Variants in ANAPC4 observed in about 807,000 individuals in gnomAD.
The protein encoded by ANAPC4 is anaphase promoting complex subunit 4.
In ANAPC4, 63 loss-of-function variants were observed where a neutral mutation model predicts 119.8. The ratio of observed to expected loss-of-function variants is 0.53; its 90% confidence interval spans 0.43 to 0.65. The LOEUF is 0.65. Ranked by LOEUF, ANAPC4 falls within the 30% of genes least tolerant of loss-of-function variation. ANAPC4 has a pLI of 0.00. For missense variants in ANAPC4, 716 were observed against 945.1 expected, an observed-to-expected ratio of 0.76 and a Z score of 3.18; for synonymous variants, 283 against 318.6, an observed-to-expected ratio of 0.89 and a Z score of 1.19.
intron 16 of ANAPC4, among the ~76,000 whole-genome samples, chr4:25,397,449 A>G (rs751636947): frequency 1.3e-5 from 2 of 151,794 alleles, no homozygotes; most frequent in Admixed American, 6.6e-5. Flanking sequence ...CATTTTCTTC[A>G]TTACTCTCCT....
intron 21 of ANAPC4, among the ~76,000 whole-genome samples, chr4:25,412,429 G>T (rs186009731): frequency 6.6e-6 from 1 of 152,122 alleles, no homozygotes; most frequent in Non-Finnish European, 1.5e-5. Context: ...ATCAAGGCTT[G>T]GTCTTTTTGG....
At chr4:25,413,562 G>A in intron 21 of ANAPC4, 83 bp from the exon 22 acceptor site, 1 of 1,014,310 alleles carries the variant, frequency 9.9e-7, no homozygotes, top group Non-Finnish European at 1.5e-6. Context: ...GTGCAGACTG[G>A]CTCTAACAGT....
chr4:25,397,989 C>T (rs1722751130), intron 16 of ANAPC4, among the ~76,000 whole-genome samples: 2 of 151,984 alleles, frequency 1.3e-5, no homozygotes, highest in South Asian at 4.1e-4. Flanking sequence ...TGGACTTGAG[C>T]TCCTGGGCTC....
chr4:25,414,480 G>C lies in ANAPC4; in HGVS notation c.1700G>C (p.Arg567Pro). Reference protein sequence around the residue: ...YRDTRSEDSTRRLFKFPFLWN... With the variant: ...YRDTRSEDSTPRLFKFPFLWN... The stretch of plus-strand genomic sequence containing the variant: ...TTTTATTTTAGTGAGGATTCTACAC[G>C]TAGATTGTTCAAATTTCCTTTTCTG... The change falls in exon 24 of 29, where the codon CGT becomes CCT. Residue 567 changes from arginine (R) to proline (P), a missense_variant. Arg to Pro is a moderately radical substitution (Grantham distance 103, BLOSUM62 -2). Transcript: ENST00000315368. The C allele has an allele frequency of 6.3e-7, 1 of 1,599,804 alleles. No individual in the cohort carries two copies. Among genetic ancestry groups the C allele is most frequent in the Non-Finnish European group, 8.6e-7 (1 of 1,169,468 alleles).
chr4:25,392,368 C>T lies in ANAPC4; in HGVS notation c.736C>T (p.Pro246Ser), dbSNP rs1298024035. 3 of 1,612,948 alleles carry T rather than the reference C, an allele frequency of 1.9e-6. No homozygotes were observed. The highest frequency in any genetic ancestry group is 2.5e-6 in the Non-Finnish European group (3 of 1,179,182). The change falls in exon 10 of 29, where the codon CCT becomes TCT. Residue 246 changes from proline to serine, a missense_variant. This residue lies in a region of ANAPC4 where 202 missense variants were observed against 293.5 expected (regional missense o/e 0.69). Transcript: ENST00000315368. The stretch of plus-strand genomic sequence containing the variant: ...AACTAATCTGTTGTACTCTTTCTTA[C>T]CTGAAGTAACTCGGATGGCCAGAAA... The part of the protein sequence containing the change: ...LETNLLYSFL[P>S]EVTRMARKFT...
Position 25,377,362 on chromosome 4 carries a change from G to T in ANAPC4, c.-11+18G>T. ...TCTTGCAGGTACAGGCGCGGTCGGG[G>T]CTCCTCGTGGAGAGCCGGGGGCTCC... On this transcript the variant is annotated intron_variant, in intron 1 of 28. Transcript: ENST00000315368. The T allele has an allele frequency of 1.3e-6, 2 of 1,593,706 alleles. No individual in the cohort carries two copies. Among genetic ancestry groups the T allele is most frequent in the Non-Finnish European group, 1.7e-6 (2 of 1,170,006 alleles).
chr4:25,388,338 A>G (rs942341517), intron 4 of ANAPC4, among the ~76,000 whole-genome samples, 162 bp from the exon 5 acceptor site: 1 of 152,000 alleles, frequency 6.6e-6, no homozygotes, highest in African/African-American at 2.4e-5. Flanking sequence ...TCAATTTCCT[A>G]TTTGGGACTG....
Position 25,377,487 on chromosome 4 carries a change from G to C in ANAPC4, c.60G>C (p.Pro20=). The change falls in exon 2 of 29, where the codon CCG becomes CCC. Residue 20 remains proline, a synonymous_variant. Coordinates refer to ENST00000315368, the MANE Select transcript of ANAPC4 (RefSeq NM_013367.3). ...GGGTGGTGGGAGAGAAGCAGCTCCC[G>C]CAGGAGATTATTTTCCTGGTCTGGT... ...SFRVVGEKQL[P]QEIIFLVWSP... is the part of the protein sequence containing the mutation. 1.2e-6 allele frequency: 2 copies of C among 1,614,030 alleles called. No homozygotes were observed. The highest frequency in any genetic ancestry group is 2.2e-5 in the South Asian group (2 of 91,074).
At chr4:25,383,537 G>C in intron 4 of ANAPC4, 144 bp downstream of exon 4, 3 of 690,222 alleles carry the variant, frequency 4.3e-6, no homozygotes, top group Non-Finnish European at 6.2e-6. Context: ...ATTTTTTAAT[G>C]CTTTCTTAGA....
At position 25,383,322 on chromosome 4, in the gene ANAPC4, G is replaced by A; in HGVS notation, c.297G>A (p.Glu99=). The A allele has an allele frequency of 6.2e-7, 1 of 1,613,070 alleles. No individual in the cohort carries two copies. Among genetic ancestry groups the A allele is most frequent in the Non-Finnish European group, 8.5e-7 (1 of 1,179,544 alleles). ...KIVLCDVEKP[E]SLHSFSVEAP... is the part of the protein sequence containing the mutation. ...TTTTGTGTGATGTAGAAAAACCTGA[G>A]AGCTTACACTCTTTTTCTGTGGAGG... Residue 99 remains glutamate, a synonymous_variant, in exon 4 of 29, where the codon GAG becomes GAA. Coordinates refer to ENST00000315368, the MANE Select transcript of ANAPC4 (RefSeq NM_013367.3).
intron 9 of ANAPC4, among the ~76,000 whole-genome samples, chr4:25,391,986 G>A (rs1049149644): frequency 5.9e-5 from 9 of 152,176 alleles, no homozygotes; most frequent in Admixed American, 2.6e-4. Context: ...ATATACCATT[G>A]ATAGATATTT....
In ANAPC4 at chr4:25,390,154, T is replaced by C. The variant is rs962667806; in HGVS notation, c.534T>C (p.Leu178=). ...LGDVRLNILV[L]GGSSGFIELY... is the part of the protein sequence containing the mutation. ...TAATTAGGCTTAATATTCTCGTCCT[T>C]GGAGGAAGCTCTGGATTTATTGAGC... The change falls in exon 8 of 29, where the codon CTT becomes CTC. Residue 178 remains leucine (L), a synonymous_variant. Transcript: ENST00000315368. 6.2e-7 allele frequency: 1 copy of C among 1,613,056 alleles called. No homozygotes were observed. The highest frequency in any genetic ancestry group is 1.7e-5 in the Admixed American group (1 of 59,928).
chr4:25,409,767 C>T lies in ANAPC4; in HGVS notation c.1501C>T (p.Leu501Phe), dbSNP rs371172862. 8 of 1,613,260 alleles carry T rather than the reference C, an allele frequency of 5.0e-6. No individual in the cohort carries two copies. In the African/African-American group the frequency reaches 9.3e-5, roughly 19 times the overall value. The change falls in exon 21 of 29, where the codon CTT (leucine) becomes TTT (phenylalanine). Residue 501 changes from leucine (L) to phenylalanine (F), a missense_variant. By Grantham distance (22) the Leu-to-Phe change is conservative (BLOSUM62 0). Transcript: ENST00000315368. ...NTEGNQWYDF[L>F]QNSSHLKESP... is the part of the protein sequence containing the mutation. ...AGAAGGAAACCAGTGGTATGACTTTCTTCAAAATAGCAGCCACCTTAAAGG... is the reference window on the plus strand; with the variant it reads ...AGAAGGAAACCAGTGGTATGACTTTTTTCAAAATAGCAGCCACCTTAAAGG...
At chr4:25,394,802 C>G (rs766376417) in intron 13 of ANAPC4, 27 bp from the exon 14 acceptor site, 2 of 1,604,272 alleles carry the variant, frequency 1.2e-6, no homozygotes, top group Admixed American at 1.7e-5. Context: ...TGATTGTATG[C>G]TAAATATATT....
intron 4 of ANAPC4, 101 bp downstream of exon 4, chr4:25,383,494 A>G (rs1721862822): frequency 8.6e-7 from 1 of 1,163,082 alleles, no homozygotes; most frequent in Non-Finnish European, 1.1e-6. Context: ...TGTGCGTTGT[A>G]TTTAAATTTT....
intron 3 of ANAPC4, among the ~76,000 whole-genome samples, chr4:25,382,484 G>A (rs773664627): frequency 1.4e-4 from 21 of 152,104 alleles, no homozygotes; most frequent in Non-Finnish European, 2.8e-4. Flanking sequence ...TCAAAAACAT[G>A]GAATCTCAAA....
Position 25,377,358 on chromosome 4 carries a change from C to T in ANAPC4, c.-11+14C>T. On this transcript the variant is annotated intron_variant, in intron 1 of 28. Coordinates refer to ENST00000315368, the MANE Select transcript of ANAPC4 (RefSeq NM_013367.3). ...GGACTCTTGCAGGTACAGGCGCGGTCGGGGCTCCTCGTGGAGAGCCGGGGG... is the reference window on the plus strand; with the variant it reads ...GGACTCTTGCAGGTACAGGCGCGGTTGGGGCTCCTCGTGGAGAGCCGGGGG... 3.1e-6 allele frequency: 5 copies of T among 1,588,328 alleles called. No homozygotes were observed. The highest frequency in any genetic ancestry group is 4.3e-6 in the Non-Finnish European group (5 of 1,167,494).
intron 17 of ANAPC4, among the ~76,000 whole-genome samples, chr4:25,404,345 A>G (rs1723140507): frequency 6.6e-6 from 1 of 152,230 alleles, no homozygotes; most frequent in African/African-American, 2.4e-5. Context: ...AAATTACAAT[A>G]TTAAAACTGA....
Position 25,417,673 on chromosome 4 carries a change from G to A in ANAPC4, c.2133G>A (p.Trp711Ter). 6.2e-7 allele frequency: 1 copy of A among 1,613,684 alleles called. No homozygotes were observed. Among genetic ancestry groups the A allele is most frequent in the Non-Finnish European group, 8.5e-7 (1 of 1,179,778 alleles). The change falls in exon 28 of 29, where the codon TGG becomes TGA. Residue 711 changes from tryptophan to a stop codon, truncating the protein, a stop_gained. Transcript: ENST00000315368. LOFTEE classifies it high-confidence loss of function. ...GTACCATGCATTTTGAGAAGCACTG[G>A]AGATTACTGGAAAGTATGAAAGCAC... is the stretch of plus-strand genomic sequence containing the variant. ...PTRTMHFEKH[W>*]RLLESMKAQY... is the part of the protein sequence containing the mutation.
Sources: gnomAD v4.1 joint callset for allele counts (sites outside exome capture counted in the v4.1 genomes callset) on GRCh38, gnomAD v4.1.1 for gene constraint, gnomAD v4.1.1 regional missense constraint, MANE v1.5 for transcripts, NCBI Gene and HGNC (gene_info 2026-07-23, HGNC 2026-07-21) for gene names.